Variants in STPG4 observed in about 807,000 individuals in gnomAD.
STPG4 encodes protein STPG4.
STPG4 carries 41 observed loss-of-function variants against 31.5 expected under a neutral mutation model. The observed-to-expected ratio is 1.30, with a 90% CI of 1.01 to 1.69. The LOEUF is 1.69. Ranked by LOEUF, STPG4 falls within the 40% of genes most tolerant of loss-of-function variation. The pLI, the probability that STPG4 is intolerant of heterozygous loss-of-function variation, is 0.00. For synonymous variants in STPG4, 141 were observed against 103.0 expected (o/e 1.37, Z -2.24); for missense variants, 375 against 293.4 (o/e 1.28, Z -2.03).
intron 3 of STPG4, among the ~76,000 whole-genome samples, chr2:47,132,164 G>GA (rs56055267): frequency 3.5e-4 from 49 of 139,316 alleles, no homozygotes; most frequent in African/African-American, 5.9e-4. Context: ...GACTCACTCT[G>GA]AAAAAAAAAA....
intron 5 of STPG4, among the ~76,000 whole-genome samples, chr2:47,093,520 G>T (rs115566026): frequency 6.6e-6 from 1 of 152,282 alleles, no homozygotes; most frequent in East Asian, 1.9e-4. Context: ...CTGAGTGTGC[G>T]ACCATTGATT....
chr2:47,155,151 C>T lies in STPG4; in HGVS notation c.81+20G>A, dbSNP rs1394246551. On this transcript the variant is annotated intron_variant, in intron 1 of 6. Coordinates refer to ENST00000445927, the MANE Select transcript of STPG4 (RefSeq NM_001163561.2). ...GTGAGGGGAGCAGGAGCCAGGCCGG[C>T]AAGGGGCAGGCCATCTTACCGAAGC... 4 of 1,612,692 alleles carry T rather than the reference C, an allele frequency of 2.5e-6. No homozygotes were observed. Among genetic ancestry groups the T allele is most frequent in the Non-Finnish European group, 3.4e-6 (4 of 1,178,770 alleles).
intron 3 of STPG4, among the ~76,000 whole-genome samples, chr2:47,136,280 G>A (rs1328345114): frequency 6.6e-6 from 1 of 152,078 alleles, no homozygotes; most frequent in Non-Finnish European, 1.5e-5. Context: ...CGAGTAGCTG[G>A]GGTTATGGGC....
At chr2:47,101,830 T>G (rs903850114) in intron 5 of STPG4, among the ~76,000 whole-genome samples, 5 of 151,870 alleles carry the variant, frequency 3.3e-5, no homozygotes, top group African/African-American at 1.2e-4. Context: ...CTTCCCTCCC[T>G]CAGGGTATGG....
chr2:47,117,694 G>A (rs1344325394), intron 5 of STPG4, among the ~76,000 whole-genome samples: 1 of 152,166 alleles, frequency 6.6e-6, no homozygotes, highest in African/African-American at 2.4e-5. Context: ...CCCTGTTGAA[G>A]CACAAAGAGA....
chr2:47,127,249 A>ATT (rs1686382744), intron 5 of STPG4, among the ~76,000 whole-genome samples: 1 of 73,382 alleles, frequency 1.4e-5, no homozygotes, highest in Non-Finnish European at 2.6e-5. Flanking sequence ...CTTCAAGCTA[A>ATT]TTCTTTTTTT....
chr2:47,097,310 C>T (rs6544956), intron 5 of STPG4, among the ~76,000 whole-genome samples: 22,262 of 152,066 alleles, frequency 0.15, 2,872 homozygotes, highest in African/African-American at 0.34. Context: ...AAAAATCATC[C>T]TTCCCCAGAA....
At chr2:47,150,264 C>G (rs1400413107) in intron 3 of STPG4, among the ~76,000 whole-genome samples, 2 of 152,224 alleles carry the variant, frequency 1.3e-5, no homozygotes, top group African/African-American at 4.8e-5. Context: ...TTTAATCCAG[C>G]CTCCTTTGGC....
chr2:47,088,618 T>C (rs1417951772), intron 6 of STPG4, among the ~76,000 whole-genome samples: 1 of 152,206 alleles, frequency 6.6e-6, no homozygotes, highest in Non-Finnish European at 1.5e-5. Flanking sequence ...CTACCACCAC[T>C]ATTATTTTTT....
intron 6 of STPG4, among the ~76,000 whole-genome samples, 196 bp downstream of exon 6, chr2:47,090,074 T>C (rs1685538084): frequency 6.6e-6 from 1 of 152,214 alleles, no homozygotes; most frequent in South Asian, 2.1e-4. Flanking sequence ...CTGAAGTTGG[T>C]TGAGAACATC....
intron 1 of STPG4, among the ~76,000 whole-genome samples, chr2:47,153,571 G>A (rs890654172): frequency 6.6e-6 from 1 of 152,224 alleles, no homozygotes; most frequent in African/African-American, 2.4e-5. Context: ...TGGCCAACAT[G>A]TTGAAACCCT....
chr2:47,127,765 T>A (rs1385089911), intron 5 of STPG4, among the ~76,000 whole-genome samples: 1 of 152,348 alleles, frequency 6.6e-6, no homozygotes, highest in Non-Finnish European at 1.5e-5. Context: ...TGTTGCACTT[T>A]GTCAAAACAG....
intron 3 of STPG4, among the ~76,000 whole-genome samples, chr2:47,134,485 C>T (rs369228864): frequency 1.3e-5 from 2 of 152,214 alleles, no homozygotes; most frequent in African/African-American, 4.8e-5. Flanking sequence ...GCTTCTTTCA[C>T]TTCGTGATAT....
chr2:47,094,861 C>T (rs1440928524), intron 5 of STPG4, among the ~76,000 whole-genome samples: 2 of 152,222 alleles, frequency 1.3e-5, no homozygotes, highest in East Asian at 1.9e-4. Context: ...TCTGATGGGT[C>T]ATAATGCTGT....
chr2:47,129,953 G>T lies in STPG4; in HGVS notation c.507C>A (p.Thr169=). 6.2e-7 allele frequency: 1 copy of T among 1,608,820 alleles called. No homozygotes were observed. The highest frequency in any genetic ancestry group is 8.5e-7 in the Non-Finnish European group (1 of 1,176,040). The change falls in exon 5 of 7, where the codon ACC becomes ACA. Residue 169 remains threonine, a synonymous_variant. Transcript: ENST00000445927. The part of the protein sequence containing the change: ...FRSTVQRFPT[T]YFIPHEGPGP... ...ACATTATACTTACGGGAATAAAATA[G>T]GTTGTTGGGAATCTTTGAACTGTTG... is the stretch of plus-strand genomic sequence containing the variant.
chr2:47,130,354 C>G (rs910742082), intron 3 of STPG4, 94 bp from the exon 4 acceptor site: 2 of 992,720 alleles, frequency 2.0e-6, no homozygotes, highest in Non-Finnish European at 3.1e-6. Context: ...TATGACCATA[C>G]AACATTGGAT....
At chr2:47,131,177 A>G (rs1225089331) in intron 3 of STPG4, among the ~76,000 whole-genome samples, 4 of 151,762 alleles carry the variant, frequency 2.6e-5, no homozygotes, top group Admixed American at 6.6e-5. Flanking sequence ...CCCACGGTGG[A>G]GTGCAGTGGC....
At chr2:47,112,720 G>A (rs762341286) in intron 5 of STPG4, among the ~76,000 whole-genome samples, 6 of 152,118 alleles carry the variant, frequency 3.9e-5, no homozygotes, top group Non-Finnish European at 8.8e-5. Context: ...TAAGTCAACA[G>A]GGCTCAAATG....
chr2:47,152,822 A>G, intron 2 of STPG4, 135 bp downstream of exon 2: 1 of 523,530 alleles, frequency 1.9e-6, no homozygotes, highest in Non-Finnish European at 3.1e-6. Flanking sequence ...AATTTTAAGT[A>G]TGACATGAGG....
Sources: allele counts gnomAD v4.1 joint callset (sites outside exome capture counted in the v4.1 genomes callset), GRCh38; gene constraint gnomAD v4.1.1; transcripts MANE v1.5; gene names NCBI Gene and HGNC (gene_info 2026-07-23, HGNC 2026-07-21).